Variants in CHST3 observed in about 807,000 individuals in gnomAD.
CHST3 encodes the protein carbohydrate sulfotransferase 3.
CHST3 carries 20 observed loss-of-function variants against 35.4 expected under a neutral mutation model. That is an observed-to-expected ratio of 0.57 (90% CI 0.40 to 0.82). The LOEUF (loss-of-function observed/expected upper bound fraction) is 0.82. Ranked by LOEUF, CHST3 falls within the 40% of genes least tolerant of loss-of-function variation. The pLI is 0.00. For missense variants in CHST3, 693 were observed against 670.1 expected, an observed-to-expected ratio of 1.03 and a Z score of -0.38; for synonymous variants, 334 against 295.9, an observed-to-expected ratio of 1.13 and a Z score of -1.32.
chr10:71,991,739 C>G (rs1203462543), intron 1 of CHST3, among the ~76,000 whole-genome samples: 1 of 152,050 alleles, frequency 6.6e-6, no homozygotes, highest in African/African-American at 2.4e-5. Context: ...TCGAGACCAC[C>G]CTGGCCAACA....
chr10:71,969,249 A>G (rs1436646542), intron 1 of CHST3, among the ~76,000 whole-genome samples: 1 of 152,198 alleles, frequency 6.6e-6, no homozygotes, highest in Non-Finnish European at 1.5e-5. Context: ...GACAGCAATT[A>G]TCTGTTGGCC....
In CHST3 at chr10:72,007,993, G is replaced by T; in HGVS notation, c.962G>T (p.Trp321Leu). 1.3e-6 allele frequency: 2 copies of T among 1,549,556 alleles called. No homozygotes were observed. Among genetic ancestry groups the T allele is most frequent in the Non-Finnish European group, 8.7e-7 (1 of 1,146,524 alleles). ...MVAFAGKYKT[W>L]KKWLDDEGQD... ...GCCTTCGCCGGCAAGTATAAGACCT[G>T]GAAGAAGTGGCTGGACGACGAGGGC... Residue 321 changes from tryptophan (W) to leucine (L), a missense_variant, in exon 3 of 3, where the codon TGG becomes TTG. Transcript: ENST00000373115.
chr10:71,990,750 A>G (rs1174632602), intron 1 of CHST3, among the ~76,000 whole-genome samples: 1 of 152,234 alleles, frequency 6.6e-6, no homozygotes, highest in East Asian at 1.9e-4. Flanking sequence ...ATGCCAGCAC[A>G]CTGGGATTCG....
chr10:71,964,537 C>G lies in CHST3; in HGVS notation c.-265C>G, dbSNP rs371903365. On this transcript the variant is annotated 5_prime_UTR_variant, in exon 1 of 3. Transcript: ENST00000373115. Reference sequence around the variant, plus strand: ...GCGCCTCCATCCCTCCGGCCCGCCCCGGAGAAGACGCACAGCTCGGGCCGC... The same window carrying G: ...GCGCCTCCATCCCTCCGGCCCGCCCGGGAGAAGACGCACAGCTCGGGCCGC... 13 of 152,212 alleles carry G rather than the reference C, an allele frequency of 8.5e-5. No individual in the cohort carries two copies. The East Asian group carries it at 2.3e-3, about 27-fold the overall frequency. The allele number at this position is 152,212 out of a possible 1,614,324, so 9.4% of individuals were successfully genotyped here. A position where few individuals can be genotyped will look rare whatever the true frequency, so the allele number is the denominator to read the frequency against.
At chr10:71,986,857 C>T (rs1839851506) in intron 1 of CHST3, among the ~76,000 whole-genome samples, 1 of 152,200 alleles carries the variant, frequency 6.6e-6, no homozygotes, top group Non-Finnish European at 1.5e-5. Flanking sequence ...TTTGTTCAGA[C>T]CAGCAATAAT....
rs991246419 is a variant in CHST3 at position 72,011,055 on chromosome 10, CTTA to C, written c.*2589_*2591del. On this transcript the variant is annotated 3_prime_UTR_variant, in exon 3 of 3. Coordinates refer to ENST00000373115, the MANE Select transcript of CHST3 (RefSeq NM_004273.5). ...TTTGAAAAGAAGAGACAGAAAATAC[CTTA>C]TTATCTGCAGGGACTCAAAGCTGTA... The C allele has an allele frequency of 3.9e-5, 6 of 152,144 alleles. No homozygotes were observed. The highest frequency in any genetic ancestry group is 1.4e-4 in the African/African-American group (6 of 41,414). The allele number at this position is 152,144 out of a possible 1,614,324, so 9.4% of individuals were successfully genotyped here.
At chr10:71,999,751 G>A (rs72806238) in intron 1 of CHST3, among the ~76,000 whole-genome samples, 59 of 152,318 alleles carry the variant, frequency 3.9e-4, no homozygotes, top group Non-Finnish European at 5.7e-4. Context: ...TAGAAAACTC[G>A]TTCTCTGGGA....
intron 1 of CHST3, among the ~76,000 whole-genome samples, chr10:71,999,359 A>G (rs1839970493): frequency 6.6e-6 from 1 of 152,216 alleles, no homozygotes; most frequent in South Asian, 2.1e-4. Context: ...GCAGCCTCCC[A>G]GCACCCAGCA....
chr10:71,974,100 CAA>C (rs1343417040), intron 1 of CHST3, among the ~76,000 whole-genome samples: 2 of 152,310 alleles, frequency 1.3e-5, no homozygotes, highest in East Asian at 3.9e-4. Context: ...TATTTCTATA[CAA>C]GTGTTGAGAG....
chr10:71,981,977 G>T (rs189866744), intron 1 of CHST3, among the ~76,000 whole-genome samples: 1 of 152,208 alleles, frequency 6.6e-6, no homozygotes. Flanking sequence ...CCTCCAGTCT[G>T]TCAGATGCTG....
chr10:72,000,176 G>T (rs970537834), intron 1 of CHST3, among the ~76,000 whole-genome samples: 1 of 152,140 alleles, frequency 6.6e-6, no homozygotes, highest in Non-Finnish European at 1.5e-5. Flanking sequence ...AACTTAGAAC[G>T]ATTAAGCATC....
At chr10:71,987,557 T>A (rs1340085278) in intron 1 of CHST3, among the ~76,000 whole-genome samples, 3 of 151,436 alleles carry the variant, frequency 2.0e-5, no homozygotes, top group African/African-American at 7.3e-5. Flanking sequence ...GTACTAAAAA[T>A]ACAAAAAAAT....
chr10:71,997,189 G>T (rs1839949695), intron 1 of CHST3, among the ~76,000 whole-genome samples: 1 of 151,908 alleles, frequency 6.6e-6, no homozygotes, highest in Non-Finnish European at 1.5e-5. Flanking sequence ...AACCGAAACT[G>T]TCCCCATTAA....
In CHST3 at chr10:72,007,257, T is replaced by G; in HGVS notation, c.226T>G (p.Ser76Ala). Residue 76 changes from serine (S) to alanine (A), a missense_variant, in exon 3 of 3, where the codon TCT (serine) becomes GCT (alanine). By Grantham distance (99) the Ser-to-Ala change is moderately conservative (BLOSUM62 1). Coordinates refer to ENST00000373115, the MANE Select transcript of CHST3 (RefSeq NM_004273.5). ...DPALILAENA[S>A]LLSLSELDSA... Reference sequence around the variant, plus strand: ...AGCCCTGATCTTAGCTGAGAACGCATCTCTCTTGTCCCTGAGCGAGCTCGA... The same window carrying G: ...AGCCCTGATCTTAGCTGAGAACGCAGCTCTCTTGTCCCTGAGCGAGCTCGA... 1 of 1,614,176 alleles carries G rather than the reference T, an allele frequency of 6.2e-7. No homozygotes were observed. Among genetic ancestry groups the G allele is most frequent in the Non-Finnish European group, 8.5e-7 (1 of 1,180,030 alleles).
intron 1 of CHST3, among the ~76,000 whole-genome samples, chr10:71,966,538 G>A (rs902341209): frequency 1.3e-4 from 20 of 152,182 alleles, no homozygotes; most frequent in African/African-American, 4.8e-4. Context: ...ACTAGGTTCA[G>A]TGTGCATTTC....
chr10:71,979,256 G>A (rs1449906039), intron 1 of CHST3, among the ~76,000 whole-genome samples: 1 of 152,184 alleles, frequency 6.6e-6, no homozygotes, highest in Non-Finnish European at 1.5e-5. Context: ...CTGGACCTCT[G>A]TTTCTCATCT....
rs1839627389 is a variant in CHST3, at chr10:71,965,822, C to T, written c.-108+1128C>T. Among the ~76,000 whole-genome samples the T allele has an allele frequency of 2.0e-5, 3 of 152,242 alleles. No homozygotes were observed. The South Asian group carries it at 6.2e-4, about 32-fold the overall frequency. On this transcript the variant is annotated intron_variant, in intron 1 of 2. Coordinates refer to ENST00000373115, the MANE Select transcript of CHST3 (RefSeq NM_004273.5). ...GCAGAGAAGGGGGCCTGAGTAGCTC[C>T]TAGGAGCCCTGCCTGATCTGCTTGG...
At chr10:71,980,390 T>C (rs1839788345) in intron 1 of CHST3, among the ~76,000 whole-genome samples, 1 of 152,150 alleles carries the variant, frequency 6.6e-6, no homozygotes, top group Admixed American at 6.5e-5. Context: ...TATCAACTCA[T>C]GCTTATCATT....
At chr10:71,976,819 C>G (rs1839749884) in intron 1 of CHST3, among the ~76,000 whole-genome samples, 3 of 152,200 alleles carry the variant, frequency 2.0e-5, no homozygotes. Flanking sequence ...AACTTTGCCT[C>G]TACGGATAGA....
Sources: gnomAD v4.1 joint callset for allele counts (sites outside exome capture counted in the v4.1 genomes callset) on GRCh38, gnomAD v4.1.1 for gene constraint, MANE v1.5 for transcripts, NCBI Gene and HGNC (gene_info 2026-07-23, HGNC 2026-07-21) for gene names.